The following RHOBTB1 variants were observed in gnomAD, a reference collection of about 807,000 sequenced individuals.
The protein encoded by RHOBTB1 is rho-related BTB domain-containing protein 1.
A neutral mutation model predicts 71.6 loss-of-function variants in RHOBTB1; 40 were observed. That is an observed-to-expected ratio of 0.56 (90% CI 0.43 to 0.73). RHOBTB1 has a LOEUF of 0.73. Among genes scored for constraint, RHOBTB1 ranks in the 30% least tolerant of loss-of-function variants. The pLI is 0.00. For synonymous variants in RHOBTB1, 319 were observed against 334.9 expected (o/e 0.95, Z 0.52); for missense variants, 797 against 894.0 (o/e 0.89, Z 1.38).
At chr10:60,911,278 C>T in intron 3 of RHOBTB1, 73 bp downstream of exon 3, 1 of 1,417,178 alleles carries the variant, frequency 7.1e-7, no homozygotes, top group Non-Finnish European at 9.6e-7. Context: ...CACGCTCCTC[C>T]TTTAGAAAAA....
chr10:60,905,495 A>G (rs1395315785), intron 4 of RHOBTB1, among the ~76,000 whole-genome samples: 2 of 151,698 alleles, frequency 1.3e-5, no homozygotes, highest in Non-Finnish European at 2.9e-5. Context: ...AGGCAAAAAA[A>G]TCCATGGTGG....
At chr10:61,001,226 G>C (rs1453723570) in intron 1 of RHOBTB1, among the ~76,000 whole-genome samples, 1 of 152,108 alleles carries the variant, frequency 6.6e-6, no homozygotes, top group African/African-American at 2.4e-5. Flanking sequence ...AAGGTAACCA[G>C]GTCACCCTCC....
chr10:60,954,720 T>C lies in RHOBTB1; in HGVS notation c.-61-12866A>G, dbSNP rs1318820346. Among the ~76,000 whole-genome samples, 3 of 152,326 alleles carry C rather than the reference T, an allele frequency of 2.0e-5. No homozygotes were observed. The East Asian group carries it at 5.8e-4, about 29-fold the overall frequency. ...GATGGAAGGAAATGTGACAAAATTA[T>C]TTTTGAAATTACCCAAAAAGTGAAT... On this transcript the variant is annotated intron_variant, in intron 2 of 11. Coordinates refer to the RHOBTB1 transcript ENST00000357917.
intron 2 of RHOBTB1, among the ~76,000 whole-genome samples, chr10:60,917,832 C>G (rs534689493): frequency 1.3e-5 from 2 of 152,176 alleles, no homozygotes; most frequent in Non-Finnish European, 2.9e-5. Context: ...CTTGCAAATT[C>G]TAGTCATTCC....
intron 2 of RHOBTB1, among the ~76,000 whole-genome samples, chr10:60,964,302 A>T (rs1414824560): frequency 6.6e-6 from 1 of 152,116 alleles, no homozygotes; most frequent in Non-Finnish European, 1.5e-5. Context: ...CAGAGAGGAT[A>T]CAACTGATTA....
At chr10:60,910,841 G>A (rs1434451828) in intron 4 of RHOBTB1, 46 bp downstream of exon 4, 2 of 1,427,216 alleles carry the variant, frequency 1.4e-6, no homozygotes, top group Non-Finnish European at 2.0e-6. Context: ...GTTTTGAAAA[G>A]GAAATTGCAT....
rs2132139163 is a variant in RHOBTB1, at chr10:60,870,854, A to T, written c.*628T>A. The T allele has an allele frequency of 6.5e-6, 1 of 152,810 alleles. No individual in the cohort carries two copies. Among genetic ancestry groups the T allele is most frequent in the Admixed American group, 6.5e-5 (1 of 15,304 alleles). 9.5% of individuals were successfully genotyped at this position (152,810 alleles called of 1,614,324 possible). ...ATAACCATATAATTACCAGCACTTA[A>T]CATGGCAAATATTGTAAATACACAT... On this transcript the variant is annotated 3_prime_UTR_variant, in exon 11 of 11. Coordinates refer to ENST00000337910, the MANE Select transcript of RHOBTB1 (RefSeq NM_014836.5).
chr10:60,918,498 A>G (rs907497450), intron 2 of RHOBTB1, among the ~76,000 whole-genome samples: 3 of 152,172 alleles, frequency 2.0e-5, no homozygotes, highest in African/African-American at 7.2e-5. Flanking sequence ...ACTGTGGCTG[A>G]TGTACTTGTT....
upstream of RHOBTB1, among the ~76,000 whole-genome samples, chr10:60,947,978 T>C (rs961168602): frequency 6.6e-6 from 1 of 152,228 alleles, no homozygotes; most frequent in African/African-American, 2.4e-5. Flanking sequence ...ATTTGTATTA[T>C]CATCATTGTT....
chr10:60,888,117 T>C (rs2081681304), intron 6 of RHOBTB1, 95 bp downstream of exon 6: 1 of 1,358,170 alleles, frequency 7.4e-7, no homozygotes, highest in African/African-American at 1.5e-5. Context: ...CGTATAAATG[T>C]TAGCTATCGT....
At chr10:60,889,582 T>G (rs1037494196) in intron 5 of RHOBTB1, among the ~76,000 whole-genome samples, 1 of 152,190 alleles carries the variant, frequency 6.6e-6, no homozygotes, top group Non-Finnish European at 1.5e-5. Flanking sequence ...TCTGATAGCT[T>G]TTTTTGTAGA....
chr10:60,969,309 T>C (rs1041697869), intron 2 of RHOBTB1, among the ~76,000 whole-genome samples: 1 of 152,126 alleles, frequency 6.6e-6, no homozygotes, highest in African/African-American at 2.4e-5. Flanking sequence ...CACTCTGATA[T>C]AGCAGCCACA....
At chr10:60,898,611 G>A (rs1232693658) in intron 4 of RHOBTB1, among the ~76,000 whole-genome samples, 1 of 152,210 alleles carries the variant, frequency 6.6e-6, no homozygotes, top group Non-Finnish European at 1.5e-5. Context: ...GGGATCTGGG[G>A]ATAGCAGGGC....
At chr10:60,969,017 A>C (rs1448713166) in intron 2 of RHOBTB1, among the ~76,000 whole-genome samples, 1 of 152,140 alleles carries the variant, frequency 6.6e-6, no homozygotes, top group Non-Finnish European at 1.5e-5. Flanking sequence ...ATAAATAGAA[A>C]GTATAAGTAT....
rs1209473163 is a variant in RHOBTB1, at chr10:60,911,499, A to G, written c.44T>C (p.Ile15Thr). The change falls in exon 3 of 11, where the codon ATC (isoleucine) becomes ACC (threonine). Residue 15 changes from isoleucine to threonine, a missense_variant. Physicochemically the swap from Ile to Thr is moderately conservative, Grantham distance 89 (BLOSUM62 -1). Around this residue, in one of 2 missense-constraint regions of RHOBTB1, gnomAD observed 139 missense variants for 212.5 expected, o/e 0.65. Transcript: ENST00000337910. ...ATTGTCACCCACGACCACACATTTG[A>G]TAGTTTCAACGTTGGGTCTTTCGTA... Reference protein sequence around the residue: ...MDYERPNVETIKCVVVGDNAV... With the variant: ...MDYERPNVETTKCVVVGDNAV... The G allele has an allele frequency of 1.2e-6, 2 of 1,614,076 alleles. No homozygotes were observed.
chr10:60,880,719 A>C (rs1425010683), intron 7 of RHOBTB1, among the ~76,000 whole-genome samples: 1 of 152,176 alleles, frequency 6.6e-6, no homozygotes, highest in Admixed American at 6.5e-5. Flanking sequence ...TGCAATACAC[A>C]GATGTTGGAA....
chr10:60,956,070 A>G (rs896673065), intron 2 of RHOBTB1, among the ~76,000 whole-genome samples: 1 of 152,168 alleles, frequency 6.6e-6, no homozygotes, highest in Non-Finnish European at 1.5e-5. Context: ...TTGTGCAAAC[A>G]TCATACAGTG....
intron 6 of RHOBTB1, among the ~76,000 whole-genome samples, chr10:60,886,887 T>G (rs1403366996): frequency 6.6e-6 from 1 of 151,998 alleles, no homozygotes; most frequent in African/African-American, 2.4e-5. Context: ...GACTTTTTTT[T>G]TTTTACAGAT....
At chr10:60,867,457 T>C (rs1412901785), downstream of RHOBTB1, among the ~76,000 whole-genome samples, 4 of 152,222 alleles carry the variant, frequency 2.6e-5, no homozygotes, top group Admixed American at 2.0e-4. Context: ...ACCCATTTCA[T>C]CTATGTTCTG....
Sources: allele counts gnomAD v4.1 joint callset (sites outside exome capture counted in the v4.1 genomes callset), GRCh38; gene constraint gnomAD v4.1.1; regional missense constraint gnomAD v4.1.1; transcripts MANE v1.5; gene names NCBI Gene and HGNC (gene_info 2026-07-23, HGNC 2026-07-21).